RIBC2: variants seen among roughly 807,000 people sequenced by gnomAD.
The protein encoded by RIBC2 is RIB43A-like with coiled-coils protein 2.
A neutral mutation model predicts 44.3 loss-of-function variants in RIBC2; 40 were observed. The ratio of observed to expected loss-of-function variants is 0.90; its 90% CI spans 0.70 to 1.18. RIBC2 has a LOEUF of 1.18. RIBC2 is among the 50% of genes most tolerant of loss of function. The probability of loss-of-function intolerance (pLI) is 0.00; values close to 1 mark genes in which losing one functional copy is unlikely to be tolerated. For synonymous variants in RIBC2, 171 were observed against 175.0 expected, an observed-to-expected ratio of 0.98 and a Z score of 0.18; for missense variants, 459 against 485.5, an observed-to-expected ratio of 0.95 and a Z score of 0.51.
rs141584704 is a variant in RIBC2, at chr22:45,417,702, G to T, written c.312G>T (p.Gln104His). The T allele has an allele frequency of 1.7e-4, 275 of 1,614,014 alleles. No homozygotes were observed. The highest frequency in any genetic ancestry group is 2.3e-4 in the Non-Finnish European group (266 of 1,180,028). ...GTAGGGCTATCAATGACTTCCAACAGAGCTTTCAGAAGCCAGAAACTCGCC... is the reference window on the plus strand; with the variant it reads ...GTAGGGCTATCAATGACTTCCAACATAGCTTTCAGAAGCCAGAAACTCGCC... ...NLCRAINDFQ[Q>H]SFQKPETRRE... Residue 104 changes from glutamine to histidine, a missense_variant, in exon 3 of 7, where the codon CAG becomes CAT. Physicochemically the swap from Gln to His is conservative, Grantham distance 24 (BLOSUM62 0). Coordinates refer to ENST00000614167, the MANE Select transcript of RIBC2 (RefSeq NM_015653.5).
intron 4 of RIBC2, among the ~76,000 whole-genome samples, chr22:45,423,678 G>A (rs922358644): frequency 1.3e-5 from 2 of 152,148 alleles, no homozygotes; most frequent in Non-Finnish European, 2.9e-5. Context: ...ACACGGGGGA[G>A]AGGAATGAGG....
chr22:45,431,947 TG>T (rs2087584113), intron 6 of RIBC2, among the ~76,000 whole-genome samples: 1 of 152,200 alleles, frequency 6.6e-6, no homozygotes, highest in African/African-American at 2.4e-5. Context: ...CACTCCACCC[TG>T]GGTGGCAGAG....
chr22:45,419,524 A>G (rs984626322), intron 3 of RIBC2, among the ~76,000 whole-genome samples: 1 of 151,888 alleles, frequency 6.6e-6, no homozygotes, highest in African/African-American at 2.4e-5. Context: ...ACTTGAAGCC[A>G]AGAGATCAAG....
intron 2 of RIBC2, among the ~76,000 whole-genome samples, chr22:45,417,082 G>A (rs1351549506): frequency 6.6e-6 from 1 of 151,578 alleles, no homozygotes; most frequent in Non-Finnish European, 1.5e-5. Flanking sequence ...TGAATTTTTA[G>A]TAGAGACAGG....
intron 6 of RIBC2, 100 bp from the exon 7 acceptor site, chr22:45,432,184 C>T (rs2009626367): frequency 3.1e-6 from 2 of 635,472 alleles, no homozygotes; most frequent in Admixed American, 3.2e-5. Context: ...GGGGATAACA[C>T]ACTAATAAAA....
Position 45,414,364 on chromosome 22 carries a change from A to G in RIBC2, c.172A>G (p.Ile58Val). 1 of 1,551,108 alleles carries G rather than the reference A, an allele frequency of 6.4e-7. No individual in the cohort carries two copies. The highest frequency in any genetic ancestry group is 8.7e-7 in the Non-Finnish European group (1 of 1,146,800). The change falls in exon 2 of 7, where the codon ATA (isoleucine) becomes GTA (valine). Residue 58 changes from isoleucine to valine, a missense_variant. Ile to Val is a conservative substitution (Grantham distance 29). Coordinates refer to ENST00000614167, the MANE Select transcript of RIBC2 (RefSeq NM_015653.5). ...AWDVQVHDQK[I>V]KEATEKARHE... is the part of the protein sequence containing the mutation. ...GGATGTTCAAGTTCATGACCAGAAG[A>G]TAAAAGAAGCTACTGAAAAAGCTAG...
chr22:45,415,962 AGT>A (rs2087421231), intron 2 of RIBC2, among the ~76,000 whole-genome samples: 2 of 152,152 alleles, frequency 1.3e-5, no homozygotes, highest in African/African-American at 4.8e-5. Context: ...TGCCTCCCAA[AGT>A]GTTGGGATTA....
chr22:45,420,130 A>G (rs1363986999), intron 3 of RIBC2, among the ~76,000 whole-genome samples: 1 of 152,078 alleles, frequency 6.6e-6, no homozygotes, highest in Non-Finnish European at 1.5e-5. Context: ...GAGACCTACA[A>G]CGCCTTCACA....
At chr22:45,422,206 G>A in intron 3 of RIBC2, 84 bp from the exon 4 acceptor site, 1 of 886,208 alleles carries the variant, frequency 1.1e-6, no homozygotes, top group Non-Finnish European at 1.9e-6. Context: ...TAAGGACGTG[G>A]TAGGAGGCAA....
At chr22:45,423,067 G>C (rs555966493) in intron 4 of RIBC2, among the ~76,000 whole-genome samples, 1 of 152,022 alleles carries the variant, frequency 6.6e-6, no homozygotes, top group African/African-American at 2.4e-5. Flanking sequence ...CCGCAGCCTC[G>C]ACCTCCCAGG....
Position 45,426,118 on chromosome 22 carries a change from C to G in RIBC2, c.846C>G (p.Thr282=), listed in dbSNP as rs375675926. Residue 282 remains threonine, a synonymous_variant, in exon 5 of 7, where the codon ACC becomes ACG. Transcript: ENST00000614167. ...RVVPDRWKGM[T]QEQLEQIRLV... ...TCCCTGACCGCTGGAAGGGCATGAC[C>G]CAGGAGCAGCTGGAGCAGATCCGCC... 6.2e-7 allele frequency: 1 copy of G among 1,613,904 alleles called. No homozygotes were observed. Among genetic ancestry groups the G allele is most frequent in the Non-Finnish European group, 8.5e-7 (1 of 1,180,038 alleles).
chr22:45,417,790 A>G lies in RIBC2; in HGVS notation c.400A>G (p.Asn134Asp). 6.2e-7 allele frequency: 1 copy of G among 1,614,206 alleles called. No homozygotes were observed. Among genetic ancestry groups the G allele is most frequent in the Non-Finnish European group, 8.5e-7 (1 of 1,180,030 alleles). ...KKDLPARQSD[N>D]DVRNTISGMQ... ...AGATCTTCCAGCCCGGCAGTCAGAT[A>G]ATGATGTTCGGAATACGATATCAGG... Residue 134 changes from asparagine (N) to aspartate (D), a missense_variant, in exon 3 of 7, where the codon AAT (asparagine) becomes GAT (aspartate). Physicochemically the swap from Asn to Asp is conservative, Grantham distance 23. Coordinates refer to ENST00000614167, the MANE Select transcript of RIBC2 (RefSeq NM_015653.5).
At chr22:45,428,390 T>G (rs2087551616) in intron 5 of RIBC2, among the ~76,000 whole-genome samples, 1 of 152,134 alleles carries the variant, frequency 6.6e-6, no homozygotes. Flanking sequence ...TTGTCTTGAT[T>G]GTAGAAATAA....
intron 4 of RIBC2, among the ~76,000 whole-genome samples, chr22:45,424,679 G>A (rs2087517426): frequency 6.6e-6 from 1 of 152,148 alleles, no homozygotes; most frequent in Admixed American, 6.5e-5. Context: ...GCAGGAGGAG[G>A]GAAGGAATGT....
rs540793853 is a variant in RIBC2 at position 45,414,389 on chromosome 22, G to C, written c.197G>C (p.Arg66Thr). 1 of 1,550,442 alleles carries C rather than the reference G, an allele frequency of 6.4e-7. No individual in the cohort carries two copies. Among genetic ancestry groups the C allele is most frequent in the East Asian group, 2.4e-5 (1 of 40,896 alleles). The change falls in exon 2 of 7, where the codon AGA becomes ACA. Residue 66 changes from arginine to threonine, a missense_variant. Physicochemically the swap from Arg to Thr is moderately conservative, Grantham distance 71 (BLOSUM62 -1). Transcript: ENST00000614167. ...ATAAAAGAAGCTACTGAAAAAGCTA[G>C]ACATGAAACCTTTGGTGAGCATTTC... ...QKIKEATEKA[R>T]HETFAAEMRQ...
At chr22:45,425,565 G>A (rs535827649) in intron 4 of RIBC2, among the ~76,000 whole-genome samples, 2 of 152,340 alleles carry the variant, frequency 1.3e-5, no homozygotes, top group South Asian at 2.1e-4. Context: ...TCTGTTGAGC[G>A]TTCTTTGCAG....
chr22:45,428,552 C>T (rs2087552754), intron 5 of RIBC2, among the ~76,000 whole-genome samples: 1 of 152,052 alleles, frequency 6.6e-6, no homozygotes, highest in Non-Finnish European at 1.5e-5. Context: ...GAGCTCAGAG[C>T]CATCACTGGA....
chr22:45,419,890 G>A (rs552551442), intron 3 of RIBC2, among the ~76,000 whole-genome samples: 16 of 152,240 alleles, frequency 1.1e-4, no homozygotes, highest in Non-Finnish European at 1.9e-4. Context: ...GCCGGGAGTG[G>A]TGGCGGGTGC....
chr22:45,432,293 T>C lies in RIBC2; in HGVS notation c.1080T>C (p.Tyr360=), dbSNP rs1004517328. 2 of 1,552,836 alleles carry C rather than the reference T, an allele frequency of 1.3e-6. No individual in the cohort carries two copies. Among genetic ancestry groups the C allele is most frequent in the African/African-American group, 1.4e-5 (1 of 72,482 alleles). Reference sequence around the variant, plus strand: ...CTCATTTTGTTATCAGGAAAAAATATATGAATGAAGTCTATACAAATCAAC... The same window carrying C: ...CTCATTTTGTTATCAGGAAAAAATACATGAATGAAGTCTATACAAATCAAC... ...LAKEQHLQKK[Y]MNEVYTNQPT... is the part of the protein sequence containing the mutation. The change falls in exon 7 of 7, where the codon TAT becomes TAC. Residue 360 remains tyrosine, a synonymous_variant. Coordinates refer to ENST00000614167, the MANE Select transcript of RIBC2 (RefSeq NM_015653.5).
Sources: allele counts gnomAD v4.1 joint callset (sites outside exome capture counted in the v4.1 genomes callset), GRCh38; gene constraint gnomAD v4.1.1; transcripts MANE v1.5; gene names NCBI Gene and HGNC (gene_info 2026-07-23, HGNC 2026-07-21).